The following ZNF569 variants were observed in gnomAD, a reference collection of about 807,000 sequenced individuals.
The protein encoded by ZNF569 is DNA-binding protein.
Under a neutral mutation model 56.3 loss-of-function variants are expected in ZNF569, and 38 were observed. The observed-to-expected ratio is 0.68, with a 90% CI of 0.52 to 0.88. The LOEUF (loss-of-function observed/expected upper bound fraction) is 0.88, where lower values mean the gene tolerates loss of function less well. Ranked by LOEUF, ZNF569 falls within the 40% of genes least tolerant of loss-of-function variation. The pLI, the probability that ZNF569 is intolerant of heterozygous loss-of-function variation, is 0.00. For missense variants in ZNF569, 666 were observed against 809.2 expected (o/e 0.82, Z 2.15); for synonymous variants, 241 against 262.9 (o/e 0.92, Z 0.81).
At chr19:37,416,756 T>C (rs905242694) in intron 5 of ZNF569, among the ~76,000 whole-genome samples, 8 of 152,112 alleles carry the variant, frequency 5.3e-5, no homozygotes, top group African/African-American at 1.7e-4. Flanking sequence ...TTAGAAATTA[T>C]AGAATTAAAA....
At position 37,412,917 on chromosome 19, in the gene ZNF569, T is replaced by A. The variant is rs768699038; in HGVS notation, c.1741A>T (p.Asn581Tyr). Reference sequence around the variant, plus strand: ...TGAGAGAAGGCTTTCCCACATTCATTACATACATAGGGCTTCTCACCTGTG... The same window carrying A: ...TGAGAGAAGGCTTTCCCACATTCATAACATACATAGGGCTTCTCACCTGTG... ...SHTGEKPYVC[N>Y]ECGKAFSQRT... Residue 581 changes from asparagine to tyrosine, a missense_variant, in exon 6 of 6, where the codon AAT (asparagine) becomes TAT (tyrosine). By Grantham distance (143) the Asn-to-Tyr change is moderately radical (BLOSUM62 -2). Transcript: ENST00000316950. 6.2e-7 allele frequency: 1 copy of A among 1,614,054 alleles called. No homozygotes were observed. The highest frequency in any genetic ancestry group is 8.5e-7 in the Non-Finnish European group (1 of 1,179,950).
intron 5 of ZNF569, among the ~76,000 whole-genome samples, chr19:37,422,228 G>A (rs1251009551): frequency 6.6e-6 from 1 of 152,106 alleles, no homozygotes; most frequent in African/African-American, 2.4e-5. Flanking sequence ...AACACTTAGA[G>A]GTCATTGTAG....
At chr19:37,439,178 C>G (rs1331211792) in intron 3 of ZNF569, among the ~76,000 whole-genome samples, 1 of 152,206 alleles carries the variant, frequency 6.6e-6, no homozygotes. Context: ...TCAAGCGATT[C>G]TCCTGCCTCA....
intron 2 of ZNF569, among the ~76,000 whole-genome samples, chr19:37,459,684 T>C (rs957651686): frequency 1.3e-5 from 2 of 152,198 alleles, no homozygotes; most frequent in Non-Finnish European, 2.9e-5. Flanking sequence ...TTGGTTCTTT[T>C]ATTAGTAATT....
chr19:37,421,743 CTTT>C (rs748058159), intron 5 of ZNF569, among the ~76,000 whole-genome samples: 2 of 79,662 alleles, frequency 2.5e-5, no homozygotes, highest in African/African-American at 5.2e-5. Flanking sequence ...TGTAGTGGCA[CTTT>C]TTTTTTTTTT....
chr19:37,461,070 A>T (rs944167472), intron 2 of ZNF569, among the ~76,000 whole-genome samples: 1 of 152,186 alleles, frequency 6.6e-6, no homozygotes, highest in South Asian at 2.1e-4. Flanking sequence ...AAAGGGAAAT[A>T]ATCCATTTAT....
intron 3 of ZNF569, among the ~76,000 whole-genome samples, chr19:37,442,536 A>G (rs539403249): frequency 2.0e-5 from 3 of 152,342 alleles, no homozygotes; most frequent in South Asian, 4.1e-4. Context: ...ACTAGATGGT[A>G]TTAAGCAGAG....
intron 3 of ZNF569, among the ~76,000 whole-genome samples, chr19:37,443,282 G>GT (rs2041438501): frequency 6.6e-6 from 1 of 152,092 alleles, no homozygotes; most frequent in African/African-American, 2.4e-5. Flanking sequence ...GGAGGCAGAG[G>GT]TTGCAGTGAG....
rs761233739 is a variant in ZNF569 at position 37,413,350 on chromosome 19, T to C, written c.1308A>G (p.Lys436=). ...TCCCACATTCATTACACTCATAAGG[T>C]TTCTCTCTAGTATGAATTTTCTGGT... ...ITHQKIHTRE[K]PYECNECGKA... is the part of the protein sequence containing the mutation. The change falls in exon 6 of 6, where the codon AAA becomes AAG. Residue 436 remains lysine, a synonymous_variant. Transcript: ENST00000316950. 6.2e-7 allele frequency: 1 copy of C among 1,607,764 alleles called. No homozygotes were observed. The highest frequency in any genetic ancestry group is 1.1e-5 in the South Asian group (1 of 89,886).
Position 37,412,609 on chromosome 19 carries a change from A to G in ZNF569, c.2049T>C (p.Ile683=). 1 of 1,598,254 alleles carries G rather than the reference A, an allele frequency of 6.3e-7. No homozygotes were observed. The change falls in exon 6 of 6, where the codon ATT becomes ATC. Residue 683 remains isoleucine (I), a synonymous_variant. Coordinates refer to ENST00000316950, the MANE Select transcript of ZNF569 (RefSeq NM_152484.3). ...QKSHLVRHQR[I]HTH is the part of the protein sequence containing the mutation. ...ATTCATAGGGTTTCTAATGAGTATG[A>G]ATTCTCTGGTGTCTAACAAGGTGCG...
rs749606380 is a variant in ZNF569 at position 37,425,872 on chromosome 19, C to T, written c.234G>A (p.Trp78Ter). 4 of 1,613,468 alleles carry T rather than the reference C, an allele frequency of 2.5e-6. No individual in the cohort carries two copies. In the South Asian group the frequency reaches 4.4e-5, roughly 18 times the overall value. ...GTCTGGTTCCCTTCCACTAACCTTG[C>T]CAGTGTCTCCTTAATACTTCTTCCT... is the stretch of plus-strand genomic sequence containing the variant. ...VMEEEVLRRH[W>*]QGEIWGVDEH... is the part of the protein sequence containing the mutation. The change falls in exon 5 of 6, where the codon TGG (tryptophan) becomes TGA (stop). Residue 78 changes from tryptophan to a stop codon, truncating the protein, a stop_gained. Transcript: ENST00000316950. LOFTEE classifies it high-confidence loss of function.
Position 37,412,774 on chromosome 19 carries a change from A to G in ZNF569, c.1884T>C (p.His628=), listed in dbSNP as rs2040858940. 5.0e-6 allele frequency: 8 copies of G among 1,613,976 alleles called. No individual in the cohort carries two copies. Among genetic ancestry groups the G allele is most frequent in the Non-Finnish European group, 6.8e-6 (8 of 1,179,916 alleles). The change falls in exon 6 of 6, where the codon CAT becomes CAC. Residue 628 remains histidine (H), a synonymous_variant. Transcript: ENST00000316950. ...SSSLTIHIRG[H]TGEKPFDCSK... is the part of the protein sequence containing the mutation. ...TACAGTCGAAGGGTTTCTCACCTGT[A>G]TGTCCTCGTATATGTATAGTAAGGG...
chr19:37,413,601 G>A lies in ZNF569; in HGVS notation c.1057C>T (p.Pro353Ser), dbSNP rs2040877404. ...TTACCACATTTATCACATTTATAAGGTTTTTCTCCTGTATGACTTCTCATA... is the reference window on the plus strand; with the variant it reads ...TTACCACATTTATCACATTTATAAGATTTTTCTCCTGTATGACTTCTCATA... ...LHMRSHTGEK[P>S]YKCDKCGKAF... Residue 353 changes from proline to serine, a missense_variant, in exon 6 of 6, where the codon CCT (proline) becomes TCT (serine). Transcript: ENST00000316950. The A allele has an allele frequency of 6.2e-7, 1 of 1,613,712 alleles. No individual in the cohort carries two copies. The highest frequency in any genetic ancestry group is 1.1e-5 in the South Asian group (1 of 91,054).
chr19:37,467,461 C>G (rs1006482593), upstream of ZNF569: 10 of 195,382 alleles, frequency 5.1e-5, no homozygotes, highest in Admixed American at 1.2e-4. Context: ...CTACATTTCC[C>G]AGAGGCCTTC....
At chr19:37,454,758 G>A (rs2041647143) in intron 2 of ZNF569, 2 of 687,258 alleles carry the variant, frequency 2.9e-6, no homozygotes, top group Non-Finnish European at 5.3e-6. Flanking sequence ...AAGTCCCCCA[G>A]TGGTTTCACA....
chr19:37,412,443 T>C lies in ZNF569; in HGVS notation c.*154A>G, dbSNP rs1278759255. 1.4e-5 allele frequency: 18 copies of C among 1,296,054 alleles called. No homozygotes were observed. Among genetic ancestry groups the C allele is most frequent in the South Asian group, 2.4e-5 (1 of 41,426 alleles). The allele number at this position is 1,296,054 out of a possible 1,614,324, so 80.3% of individuals were successfully genotyped here. On this transcript the variant is annotated 3_prime_UTR_variant, in exon 6 of 6. Transcript: ENST00000316950. ...CTTTTTCATTATATAATTTGTCACC[T>C]TGGAAGAATTCTCTAATGTTTCATA...
At position 37,426,255 on chromosome 19, in the gene ZNF569, C is replaced by T; in HGVS notation, c.139G>A (p.Val47Ile). The change falls in exon 4 of 6, where the codon GTA (valine) becomes ATA (isoleucine). Residue 47 changes from valine to isoleucine, a missense_variant. Coordinates refer to ENST00000316950, the MANE Select transcript of ZNF569 (RefSeq NM_152484.3). ...MLENYNNLIT[V>I]GYPFTKPDVI... ...TTATATAGTAAATTACTCTTACCTA[C>T]TGTGATTAAGTTGTTATAGTTTTCT... The T allele has an allele frequency of 6.2e-7, 1 of 1,608,332 alleles. No individual in the cohort carries two copies. Among genetic ancestry groups the T allele is most frequent in the East Asian group, 2.2e-5 (1 of 44,828 alleles).
chr19:37,455,154 T>C, intron 2 of ZNF569: 2 of 343,484 alleles, frequency 5.8e-6, no homozygotes. Context: ...GGCTCAAAAA[T>C]ACCTTGCAAA....
In ZNF569 at chr19:37,426,273, A is replaced by T. The variant is rs529081401; in HGVS notation, c.121T>A (p.Tyr41Asn). 6.2e-7 allele frequency: 1 copy of T among 1,612,754 alleles called. No homozygotes were observed. The highest frequency in any genetic ancestry group is 8.5e-7 in the Non-Finnish European group (1 of 1,179,552). The change falls in exon 4 of 6, where the codon TAT becomes AAT. Residue 41 changes from tyrosine (Y) to asparagine (N), a missense_variant. Tyr to Asn is a moderately radical substitution (Grantham distance 143, BLOSUM62 -2). Transcript: ENST00000316950. ...TTACCTACTGTGATTAAGTTGTTAT[A>T]GTTTTCTAGCATCACATTCCGGTAC... ...KLYRNVMLEN[Y>N]NNLITVGYPF...
Sources: allele counts gnomAD v4.1 joint callset (sites outside exome capture counted in the v4.1 genomes callset), GRCh38; gene constraint gnomAD v4.1.1; transcripts MANE v1.5; gene names NCBI Gene and HGNC (gene_info 2026-07-23, HGNC 2026-07-21).